DGKI: variants seen among roughly 807,000 people sequenced by gnomAD.
The protein encoded by DGKI is DAG kinase iota.
In DGKI, 55 loss-of-function variants were observed where a neutral mutation model predicts 147.5. The observed-to-expected ratio is 0.37, with a 90% confidence interval of 0.30 to 0.47. DGKI has a LOEUF of 0.47. DGKI is among the 20% of genes least tolerant of loss of function. The pLI is 1.00. For synonymous variants in DGKI, 469 were observed against 477.1 expected (o/e 0.98, Z 0.22); for missense variants, 1,007 against 1,323.8 (o/e 0.76, Z 3.71).
intron 32 of DGKI, among the ~76,000 whole-genome samples, chr7:137,394,894 G>T (rs1222943465): frequency 1.3e-5 from 2 of 152,120 alleles, no homozygotes; most frequent in African/African-American, 4.8e-5. Flanking sequence ...ACACTGGGCT[G>T]GACGTCAAAA....
At chr7:137,722,745 G>A (rs1377824492) in intron 1 of DGKI, 5 of 1,553,650 alleles carry the variant, frequency 3.2e-6, no homozygotes, top group Non-Finnish European at 4.4e-6. Flanking sequence ...AGAAAGCTGT[G>A]GACTCACAAA....
At chr7:137,596,222 CA>C (rs1290987488) in intron 12 of DGKI, among the ~76,000 whole-genome samples, 1 of 151,814 alleles carries the variant, frequency 6.6e-6, no homozygotes, top group Non-Finnish European at 1.5e-5. Context: ...ACGACATCCT[CA>C]ACTTATCTGT....
intron 1 of DGKI, among the ~76,000 whole-genome samples, chr7:137,801,817 A>G (rs555171261): frequency 6.6e-6 from 1 of 152,248 alleles, no homozygotes; most frequent in African/African-American, 2.4e-5. Context: ...GCATCCTCCA[A>G]AAGAATTGCA....
intron 6 of DGKI, among the ~76,000 whole-genome samples, chr7:137,632,993 A>C (rs1314498997): frequency 2.0e-5 from 3 of 152,028 alleles, no homozygotes; most frequent in African/African-American, 4.8e-5. Flanking sequence ...TGGGCAGATC[A>C]CCTGAGGCCG....
chr7:137,612,834 A>C (rs1820411427), intron 8 of DGKI, among the ~76,000 whole-genome samples: 1 of 152,208 alleles, frequency 6.6e-6, no homozygotes. Context: ...TGCAAGATCA[A>C]CACTAAAAAC....
intron 30 of DGKI, among the ~76,000 whole-genome samples, chr7:137,399,540 T>C (rs937924053): frequency 3.9e-5 from 6 of 152,210 alleles, no homozygotes; most frequent in African/African-American, 1.4e-4. Context: ...CCAAGTCTAA[T>C]TAATCTCTCA....
At chr7:137,822,555 C>T (rs1422380010) in intron 1 of DGKI, among the ~76,000 whole-genome samples, 2 of 152,108 alleles carry the variant, frequency 1.3e-5, no homozygotes, top group South Asian at 2.1e-4. Context: ...CAGGACCCCA[C>T]GGTGAAGCAT....
At position 137,678,573 on chromosome 7, in the gene DGKI, C is replaced by CA; in HGVS notation, c.589dup (p.Cys197LeufsTer18). On this transcript the variant is annotated frameshift_variant, in exon 3 of 33. Coordinates refer to ENST00000614521, the MANE Select transcript of DGKI (RefSeq NM_001321708.2). LOFTEE classifies it high-confidence loss of function. ...CACACTCACTGCAAATCTGACTTGG[C>CA]AGTTCTCCTCTCCAAGGTAGCAGAG... 6.2e-7 allele frequency: 1 copy of CA among 1,614,114 alleles called. No individual in the cohort carries two copies. The highest frequency in any genetic ancestry group is 8.5e-7 in the Non-Finnish European group (1 of 1,179,998).
intron 1 of DGKI, among the ~76,000 whole-genome samples, chr7:137,780,516 A>C (rs1796487824): frequency 6.6e-6 from 1 of 152,212 alleles, no homozygotes; most frequent in South Asian, 2.1e-4. Flanking sequence ...GGTGTCTACA[A>C]GGAAGGTGAA....
intron 20 of DGKI, among the ~76,000 whole-genome samples, chr7:137,538,605 G>A (rs1304905916): frequency 1.3e-5 from 2 of 152,182 alleles, no homozygotes; most frequent in African/African-American, 4.8e-5. Context: ...TCTCTGCAGA[G>A]TTGTTTTGCT....
chr7:137,545,987 C>T (rs1217275898), intron 20 of DGKI: 16 of 700,374 alleles, frequency 2.3e-5, no homozygotes, highest in South Asian at 3.0e-5. Context: ...GAATGAGCAG[C>T]GAAGACAGAG....
intron 8 of DGKI, among the ~76,000 whole-genome samples, chr7:137,617,124 CAAAAAAAAAAA>C (rs60654879): frequency 7.5e-4 from 36 of 48,142 alleles, no homozygotes; most frequent in African/African-American, 1.4e-3. Context: ...TCCCTTTTAC[CAAAAAAAAAAA>C]AAAAAAAAAA....
At chr7:137,747,554 C>T (rs1452343324) in intron 1 of DGKI, among the ~76,000 whole-genome samples, 2 of 152,158 alleles carry the variant, frequency 1.3e-5, no homozygotes, top group Non-Finnish European at 2.9e-5. Context: ...ATGTAAACTC[C>T]CAAAAATTCT....
chr7:137,393,752 A>G (rs1391937533), intron 32 of DGKI, among the ~76,000 whole-genome samples: 1 of 152,174 alleles, frequency 6.6e-6, no homozygotes, highest in Non-Finnish European at 1.5e-5. Context: ...TGTTTGATAT[A>G]CCTAGGCAGC....
chr7:137,700,750 A>C (rs1401211289), intron 1 of DGKI, among the ~76,000 whole-genome samples: 1 of 152,020 alleles, frequency 6.6e-6, no homozygotes, highest in East Asian at 1.9e-4. Context: ...TGGTGGCGGG[A>C]GCCTATAATC....
intron 23 of DGKI, among the ~76,000 whole-genome samples, chr7:137,474,996 C>A (rs1160918844): frequency 6.6e-6 from 1 of 152,020 alleles, no homozygotes; most frequent in Non-Finnish European, 1.5e-5. Flanking sequence ...ACCCATTTGC[C>A]GAAACATGTT....
At position 137,689,995 on chromosome 7, in the gene DGKI, T is replaced by C. The variant is rs1241135443; in HGVS notation, c.409A>G (p.Ile137Val). Reference protein sequence around the residue: ...FRKQVSYRKAISRAGLQHLAP... With the variant: ...FRKQVSYRKAVSRAGLQHLAP... The stretch of plus-strand genomic sequence containing the variant: ...AGATGCTGGAGGCCTGCCCGGGAGA[T>C]TGCTTTCCTGCAGCAAGAAGAAAAA... The change falls in exon 2 of 33, where the codon ATC becomes GTC. Residue 137 changes from isoleucine to valine, a missense_variant. By Grantham distance (29) the Ile-to-Val change is conservative (BLOSUM62 3). This residue lies in a region of DGKI where 259 missense variants were observed against 362.5 expected (regional missense o/e 0.71). Coordinates refer to ENST00000614521, the MANE Select transcript of DGKI (RefSeq NM_001321708.2). The C allele has an allele frequency of 3.1e-6, 5 of 1,595,192 alleles. No homozygotes were observed. Among genetic ancestry groups the C allele is most frequent in the Non-Finnish European group, 4.3e-6 (5 of 1,173,456 alleles).
At chr7:137,520,814 T>C (rs1816935266) in intron 21 of DGKI, among the ~76,000 whole-genome samples, 1 of 152,008 alleles carries the variant, frequency 6.6e-6, no homozygotes, top group Admixed American at 6.6e-5. Flanking sequence ...AGAATTTCCA[T>C]CCACTAAAGC....
At position 137,720,387 on chromosome 7, in the gene DGKI, G is replaced by A. The variant is rs1308675172; in HGVS notation, c.402-30385C>T. 2.0e-5 allele frequency among the ~76,000 whole-genome samples: 3 copies of A among 151,164 alleles called. No individual in the cohort carries two copies. In the East Asian group the frequency reaches 5.8e-4, roughly 29 times the overall value. ...ATTCTCCTGCCTCAGCCCCCCGAGT[G>A]GCTGGGACCACAGGCGCCTGCCATC... On this transcript the variant is annotated intron_variant, in intron 1 of 32. Transcript: ENST00000614521.
Sources: allele counts gnomAD v4.1 joint callset (sites outside exome capture counted in the v4.1 genomes callset), GRCh38; gene constraint gnomAD v4.1.1; regional missense constraint gnomAD v4.1.1; transcripts MANE v1.5; gene names NCBI Gene and HGNC (gene_info 2026-07-23, HGNC 2026-07-21).